The following SGCZ variants were observed in gnomAD, a reference collection of about 807,000 sequenced individuals.
The protein encoded by SGCZ is zeta-sarcoglycan.
Under a neutral mutation model 41.3 loss-of-function variants are expected in SGCZ, and 40 were observed. The observed-to-expected ratio is 0.97, with a 90% confidence interval of 0.75 to 1.26. The LOEUF (loss-of-function observed/expected upper bound fraction) is 1.26, where lower values mean the gene tolerates loss of function less well. Among genes scored for constraint, SGCZ ranks in the 50% most tolerant of loss-of-function variants. The probability of loss-of-function intolerance (pLI) is 0.00; values close to 1 mark genes in which losing one functional copy is unlikely to be tolerated. For synonymous variants in SGCZ, 206 were observed against 137.5 expected, an observed-to-expected ratio of 1.50 and a Z score of -3.49; for missense variants, 552 against 369.8, an observed-to-expected ratio of 1.49 and a Z score of -4.04.
chr8:15,179,646 T>A (rs920647170), intron 1 of SGCZ, among the ~76,000 whole-genome samples: 1 of 152,152 alleles, frequency 6.6e-6, no homozygotes, highest in Non-Finnish European at 1.5e-5. Context: ...AAATAATTTA[T>A]GACTGAAAAA....
chr8:14,821,548 T>C (rs1303900158), intron 1 of SGCZ, among the ~76,000 whole-genome samples: 1 of 151,912 alleles, frequency 6.6e-6, no homozygotes, highest in Non-Finnish European at 1.5e-5. Flanking sequence ...CTGATGAACA[T>C]AGATGTAAAA....
intron 1 of SGCZ, among the ~76,000 whole-genome samples, chr8:14,822,137 A>G (rs559414942): frequency 3.0e-4 from 45 of 151,978 alleles, no homozygotes; most frequent in South Asian, 1.2e-3. Flanking sequence ...AAATTCAGTT[A>G]AGTTTCAGGA....
At chr8:14,262,128 T>C (rs1028892905) in intron 3 of SGCZ, among the ~76,000 whole-genome samples, 6 of 152,156 alleles carry the variant, frequency 3.9e-5, no homozygotes, top group Non-Finnish European at 1.5e-5. Context: ...AATGACTATA[T>C]TTACTGATAT....
intron 1 of SGCZ, among the ~76,000 whole-genome samples, chr8:15,002,029 A>G (rs1585458633): frequency 6.6e-6 from 1 of 152,276 alleles, no homozygotes; most frequent in South Asian, 2.1e-4. Context: ...AGAACATAAA[A>G]CATAAGTGTT....
chr8:14,130,394 T>C (rs755782461), intron 5 of SGCZ, among the ~76,000 whole-genome samples: 1 of 152,196 alleles, frequency 6.6e-6, no homozygotes, highest in South Asian at 2.1e-4. Flanking sequence ...AAAAGAATCA[T>C]AGCTGTTAAG....
chr8:14,952,649 C>A (rs1428831038), intron 1 of SGCZ, among the ~76,000 whole-genome samples: 1 of 151,954 alleles, frequency 6.6e-6, no homozygotes, highest in African/African-American at 2.4e-5. Context: ...GGTTTATAGC[C>A]CTCAGGAGAT....
intron 1 of SGCZ, among the ~76,000 whole-genome samples, chr8:15,088,834 C>A (rs1806046546): frequency 6.6e-6 from 1 of 152,146 alleles, no homozygotes; most frequent in Non-Finnish European, 1.5e-5. Context: ...GCCCAACTCA[C>A]ATGGCCTTTG....
intron 2 of SGCZ, among the ~76,000 whole-genome samples, chr8:14,460,701 T>C (rs1258138278): frequency 6.6e-6 from 1 of 152,158 alleles, no homozygotes; most frequent in African/African-American, 2.4e-5. Flanking sequence ...TTGCCTTGTG[T>C]ATTAGATCAA....
intron 1 of SGCZ, among the ~76,000 whole-genome samples, chr8:14,732,741 C>G (rs536397154): frequency 6.6e-6 from 1 of 152,202 alleles, no homozygotes; most frequent in South Asian, 2.1e-4. Flanking sequence ...CAGTGGGCAA[C>G]AGGTACACAA....
intron 1 of SGCZ, among the ~76,000 whole-genome samples, chr8:15,158,001 G>C (rs1169803629): frequency 6.6e-6 from 1 of 152,090 alleles, no homozygotes; most frequent in African/African-American, 2.4e-5. Context: ...TTGTTTTGCT[G>C]TTGCTAGATT....
intron 4 of SGCZ, among the ~76,000 whole-genome samples, chr8:14,204,535 A>T (rs1002597707): frequency 6.6e-6 from 1 of 152,076 alleles, no homozygotes; most frequent in East Asian, 1.9e-4. Context: ...ACTTGATTAG[A>T]TGAAGGAACA....
At chr8:14,612,905 C>T (rs537024644) in intron 1 of SGCZ, among the ~76,000 whole-genome samples, 15 of 152,214 alleles carry the variant, frequency 9.9e-5, no homozygotes, top group Middle Eastern at 3.4e-3. Context: ...AGGGTAGCCT[C>T]GAACTCCTGA....
intron 1 of SGCZ, among the ~76,000 whole-genome samples, chr8:14,720,605 A>G (rs1426098931): frequency 6.6e-6 from 1 of 151,976 alleles, no homozygotes; most frequent in Non-Finnish European, 1.5e-5. Flanking sequence ...CTGGCTCACA[A>G]GTAAAATCTG....
chr8:14,133,946 T>A (rs1803118550), intron 5 of SGCZ, among the ~76,000 whole-genome samples: 1 of 152,214 alleles, frequency 6.6e-6, no homozygotes, highest in African/African-American at 2.4e-5. Flanking sequence ...GAACATTTAT[T>A]TCCTCAGGCT....
At chr8:14,682,244 T>G (rs934676623) in intron 1 of SGCZ, among the ~76,000 whole-genome samples, 4 of 152,182 alleles carry the variant, frequency 2.6e-5, no homozygotes, top group African/African-American at 9.6e-5. Context: ...TAAAAGAGGC[T>G]AGGGTTGTAC....
intron 1 of SGCZ, among the ~76,000 whole-genome samples, chr8:15,095,061 G>T (rs1806291607): frequency 6.6e-6 from 1 of 152,120 alleles, no homozygotes. Flanking sequence ...AAATTTTAAT[G>T]CTTCTATGTT....
At chr8:14,545,856 A>G (rs1448641264) in intron 2 of SGCZ, among the ~76,000 whole-genome samples, 2 of 152,104 alleles carry the variant, frequency 1.3e-5, no homozygotes, top group African/African-American at 4.8e-5. Context: ...CTAGTACTCT[A>G]ATGAACTTTG....
At chr8:14,822,763 G>T (rs1225786565) in intron 1 of SGCZ, among the ~76,000 whole-genome samples, 1 of 151,466 alleles carries the variant, frequency 6.6e-6, no homozygotes, top group African/African-American at 2.4e-5. Flanking sequence ...AAAAAAAAAA[G>T]ATATCCACAT....
chr8:14,450,370 G>A (rs1329466103), intron 2 of SGCZ, among the ~76,000 whole-genome samples: 5 of 152,310 alleles, frequency 3.3e-5, no homozygotes, highest in Admixed American at 6.5e-5. Flanking sequence ...AGAATTAACA[G>A]AATGAAATGT....
Sources: gnomAD v4.1 joint callset for allele counts (sites outside exome capture counted in the v4.1 genomes callset) on GRCh38, gnomAD v4.1.1 for gene constraint, MANE v1.5 for transcripts, NCBI Gene and HGNC (gene_info 2026-07-23, HGNC 2026-07-21) for gene names.